PLEKHH3: variants seen among roughly 807,000 people sequenced by gnomAD.
The protein encoded by PLEKHH3 is pleckstrin homology domain-containing family H member 3.
In PLEKHH3, 57 loss-of-function variants were observed where a neutral mutation model predicts 77.8. That is an observed-to-expected ratio of 0.73 (90% confidence interval 0.59 to 0.91). The LOEUF (loss-of-function observed/expected upper bound fraction) is 0.91, where lower values mean the gene tolerates loss of function less well. Ranked by LOEUF, PLEKHH3 falls within the 40% of genes least tolerant of loss-of-function variation. PLEKHH3 has a pLI of 0.00. For synonymous variants in PLEKHH3, 467 were observed against 504.8 expected (o/e 0.93, Z 1.00); for missense variants, 1,082 against 1,091.2 (o/e 0.99, Z 0.12).
At position 42,671,368 on chromosome 17, in the gene PLEKHH3, G is replaced by T; in HGVS notation, c.1267C>A (p.His423Asn). 1.9e-6 allele frequency: 3 copies of T among 1,612,928 alleles called. No homozygotes were observed. The highest frequency in any genetic ancestry group is 2.5e-6 in the Non-Finnish European group (3 of 1,179,916). ...GGCCTCACCTCCCCCGCCGTGGTGTGGGAGTCGATGGCCACAGCACAGGCA... is the reference window on the plus strand; with the variant it reads ...GGCCTCACCTCCCCCGCCGTGGTGTTGGAGTCGATGGCCACAGCACAGGCA... ...AGACAVAIDS[H>N]TTAGEVAREL... The change falls in exon 8 of 13, where the codon CAC becomes AAC. Residue 423 changes from histidine (H) to asparagine (N), a missense_variant. Coordinates refer to ENST00000591022, the MANE Select transcript of PLEKHH3 (RefSeq NM_024927.5). The surrounding 1 kb of genome is among the most constrained non-coding windows in gnomAD (Gnocchi z 4.7).
chr17:42,676,552 G>T lies in PLEKHH3; in HGVS notation c.12C>A (p.Pro4=). The T allele has an allele frequency of 6.4e-7, 1 of 1,562,194 alleles. No individual in the cohort carries two copies. The highest frequency in any genetic ancestry group is 8.7e-7 in the Non-Finnish European group (1 of 1,153,730). Residue 4 remains proline, a synonymous_variant, in exon 1 of 13, where the codon CCC becomes CCA. Transcript: ENST00000591022. This position sits in a 1 kb window ranked among gnomAD's most constrained non-coding sequence, Gnocchi z 6.6. MPL[P]GGLWWLLCCR... ...AGCAGAGAAGCCACCATAGTCCCCC[G>T]GGGAGAGGCATCCGGGCGAGGAGCT...
chr17:42,669,833 C>T, intron 11 of PLEKHH3, 85 bp downstream of exon 11: 2 of 1,566,578 alleles, frequency 1.3e-6, no homozygotes, highest in Non-Finnish European at 1.7e-6. Flanking sequence ...TGGGGAATTA[C>T]GTGACACTCC....
chr17:42,674,998 T>C (rs2052791472), intron 1 of PLEKHH3: 1 of 152,270 alleles, frequency 6.6e-6, no homozygotes, highest in African/African-American at 2.4e-5. Flanking sequence ...GACTCAATGG[T>C]GAGCAGAGAC....
At position 42,676,348 on chromosome 17, in the gene PLEKHH3, C is replaced by A; in HGVS notation, c.162+54G>T. ...TGGAGGCTGGAGCGGATCAGCGTGA[C>A]GGCCGGTTACAGCGAGAGTGATTGA... On this transcript the variant is annotated intron_variant, in intron 1 of 12. Coordinates refer to ENST00000591022, the MANE Select transcript of PLEKHH3 (RefSeq NM_024927.5). This position sits in a 1 kb window ranked among gnomAD's most constrained non-coding sequence, Gnocchi z 6.6. 6.2e-7 allele frequency: 1 copy of A among 1,600,242 alleles called. No homozygotes were observed. The highest frequency in any genetic ancestry group is 8.5e-7 in the Non-Finnish European group (1 of 1,171,650).
chr17:42,674,233 A>G, intron 2 of PLEKHH3, 121 bp downstream of exon 2: 1 of 1,285,738 alleles, frequency 7.8e-7, no homozygotes, highest in Non-Finnish European at 1.1e-6. Flanking sequence ...CCCCAGCCAA[A>G]CCACAGCGTC....
chr17:42,672,450 G>A, intron 6 of PLEKHH3, 58 bp from the exon 7 acceptor site: 2 of 1,411,690 alleles, frequency 1.4e-6, no homozygotes, highest in Admixed American at 2.6e-5. Flanking sequence ...GCTGCGCCCT[G>A]GGAGGAAGGC....
In PLEKHH3 at chr17:42,676,925, C is replaced by CGTGTCCGGTAGGGCGTCCG. The variant is rs2143620535; in HGVS notation, c.-381_-363dup. On this transcript the variant is annotated 5_prime_UTR_variant, in exon 1 of 13. Coordinates refer to ENST00000591022, the MANE Select transcript of PLEKHH3 (RefSeq NM_024927.5). This position sits in a 1 kb window ranked among gnomAD's most constrained non-coding sequence, Gnocchi z 6.6. ...CAGTTGTCCAAGCTCCAGGGAGGGT[C>CGTGTCCGGTAGGGCGTCCG]GTGTCCGGTAGGGCGTCCGGTGGCC... The CGTGTCCGGTAGGGCGTCCG allele has an allele frequency of 9.2e-6, 2 of 216,990 alleles. No homozygotes were observed. The highest frequency in any genetic ancestry group is 1.3e-4 in the South Asian group (2 of 14,988). 13.4% of individuals were successfully genotyped at this position (216,990 alleles called of 1,614,324 possible).
rs200439190 is a variant in PLEKHH3 at position 42,673,822 on chromosome 17, C to T, written c.311G>A (p.Arg104Gln). 90 of 1,592,926 alleles carry T rather than the reference C, an allele frequency of 5.6e-5. No homozygotes were observed. In the Middle Eastern group the frequency reaches 1.8e-3, roughly 32 times the overall value. Residue 104 changes from arginine (R) to glutamine (Q), a missense_variant, in exon 4 of 13, where the codon CGG becomes CAG. Physicochemically the swap from Arg to Gln is conservative, Grantham distance 43. Coordinates refer to ENST00000591022, the MANE Select transcript of PLEKHH3 (RefSeq NM_024927.5). ...PDIVVKGWLY[R>Q]EPRGGGARPW... ...CCGCGCCCCTCCTCCGCGGGGCTCCCGGTACAGCCAACCTGGGGGCCGGAG... is the reference window on the plus strand; with the variant it reads ...CCGCGCCCCTCCTCCGCGGGGCTCCTGGTACAGCCAACCTGGGGGCCGGAG...
chr17:42,672,163 CCAGTACCG>C lies in PLEKHH3; in HGVS notation c.991_998del (p.Arg331AlafsTer140). 6.5e-7 allele frequency: 1 copy of C among 1,548,866 alleles called. No homozygotes were observed. Among genetic ancestry groups the C allele is most frequent in the Non-Finnish European group, 8.7e-7 (1 of 1,145,312 alleles). ...TGCAGCTCATGCAGGTGAGGAGTTG[CCAGTACCG>C]CAGGGCCGCAGGGTCTTGGGTAGCC... is the stretch of plus-strand genomic sequence containing the variant. On this transcript the variant is annotated frameshift_variant, in exon 7 of 13. Transcript: ENST00000591022. LOFTEE classifies it high-confidence loss of function.
chr17:42,669,333 G>T, intron 12 of PLEKHH3, 97 bp downstream of exon 12: 1 of 1,279,600 alleles, frequency 7.8e-7, no homozygotes, highest in Non-Finnish European at 1.0e-6. Flanking sequence ...GATCCCCAGT[G>T]CTTAGAGCTC....
Position 42,671,708 on chromosome 17 carries a change from G to C in PLEKHH3, c.1077-150C>G. On this transcript the variant is annotated intron_variant, in intron 7 of 12. Transcript: ENST00000591022. The surrounding 1 kb of genome is among the most constrained non-coding windows in gnomAD (Gnocchi z 4.7). ...GAAGGCTCTTCTAAATCTCTCCCCA[G>C]TGCTTTGCATAGAGCTGAATTACTT... The C allele has an allele frequency of 1.1e-6, 1 of 893,338 alleles. No homozygotes were observed. Among genetic ancestry groups the C allele is most frequent in the Non-Finnish European group, 1.7e-6 (1 of 598,074 alleles). 55.3% of individuals were successfully genotyped at this position (893,338 alleles called of 1,614,324 possible).
chr17:42,670,610 G>T lies in PLEKHH3; in HGVS notation c.1517C>A (p.Ser506Tyr). The change falls in exon 10 of 13, where the codon TCC (serine) becomes TAC (tyrosine). Residue 506 changes from serine to tyrosine, a missense_variant. Ser to Tyr is a moderately radical substitution (Grantham distance 144). Transcript: ENST00000591022. ...GAAAGGCAGTTCGTGACCGTCTGGG[G>T]ACAGCCCCTCAGGGTGCAGAGGTCC... ...LHGPLHPEGL[S>Y]PDGHELPFLF... 6.2e-7 allele frequency: 1 copy of T among 1,612,498 alleles called. No homozygotes were observed. Among genetic ancestry groups the T allele is most frequent in the Non-Finnish European group, 8.5e-7 (1 of 1,179,396 alleles).
chr17:42,669,747 G>A (rs1188524675), intron 11 of PLEKHH3, 126 bp from the exon 12 acceptor site: 2 of 1,463,394 alleles, frequency 1.4e-6, no homozygotes, highest in Middle Eastern at 1.7e-4. Flanking sequence ...TGTGTGGAGG[G>A]GGCTGAGGCT....
At position 42,670,314 on chromosome 17, in the gene PLEKHH3, CG is replaced by C; in HGVS notation, c.1616del (p.Ala539GlyfsTer131). 7.2e-7 allele frequency: 1 copy of C among 1,392,700 alleles called. No individual in the cohort carries two copies. The highest frequency in any genetic ancestry group is 9.2e-7 in the Non-Finnish European group (1 of 1,081,212). The allele number at this position is 1,392,700 out of a possible 1,614,324, so 86.3% of individuals were successfully genotyped here. ...GCTGCAGGCTCTGCAGGCGCAGCGCCGCCAGGGCGCGCAGCGTGTCGTCGGG... is the reference window on the plus strand; with the variant it reads ...GCTGCAGGCTCTGCAGGCGCAGCGCCCCAGGGCGCGCAGCGTGTCGTCGGG... Reference protein sequence around the residue: ...PPPDDTLRALAALRLQSLQRD... With the variant: ...PPPDDTLRALXALRLQSLQRD... On this transcript the variant is annotated frameshift_variant, in exon 11 of 13. Transcript: ENST00000591022. LOFTEE classifies it high-confidence loss of function.
At position 42,671,987 on chromosome 17, in the gene PLEKHH3, C is replaced by T. The variant is rs1170032748; in HGVS notation, c.1076+99G>A. The T allele has an allele frequency of 9.9e-7, 1 of 1,008,460 alleles. No homozygotes were observed. Among genetic ancestry groups the T allele is most frequent in the East Asian group, 2.7e-5 (1 of 37,642 alleles). 62.5% of individuals were successfully genotyped at this position (1,008,460 alleles called of 1,614,324 possible). A position where few individuals can be genotyped will look rare whatever the true frequency, so the allele number is the denominator to read the frequency against. On this transcript the variant is annotated intron_variant, in intron 7 of 12. Coordinates refer to ENST00000591022, the MANE Select transcript of PLEKHH3 (RefSeq NM_024927.5). The surrounding 1 kb of genome is among the most constrained non-coding windows in gnomAD (Gnocchi z 4.7). The stretch of plus-strand genomic sequence containing the variant: ...CCACAAAGGCACTGTATGTATTACT[C>T]GGTTCTTTACCTACCAAGTCTTTTG...
rs1279439892 is a variant in PLEKHH3, at chr17:42,676,382, T to C, written c.162+20A>G. The C allele has an allele frequency of 6.2e-7, 1 of 1,611,842 alleles. No individual in the cohort carries two copies. Among genetic ancestry groups the C allele is most frequent in the African/African-American group, 1.3e-5 (1 of 74,886 alleles). On this transcript the variant is annotated intron_variant, in intron 1 of 12. Transcript: ENST00000591022. This position sits in a 1 kb window ranked among gnomAD's most constrained non-coding sequence, Gnocchi z 6.6. ...ACAGCGAGAGTGATTGAGACGAGGC[T>C]CCGAACCCCCGGGACTTACCCTCCC...
chr17:42,671,262 G>T lies in PLEKHH3; in HGVS notation c.1284+89C>A. Reference sequence around the variant, plus strand: ...CCTTACCAAAATAATCTAGACTCGGGGCAAACCTAGGGTCCAGGAAGAGGG... The same window carrying T: ...CCTTACCAAAATAATCTAGACTCGGTGCAAACCTAGGGTCCAGGAAGAGGG... On this transcript the variant is annotated intron_variant, in intron 8 of 12. Transcript: ENST00000591022. This position sits in a 1 kb window ranked among gnomAD's most constrained non-coding sequence, Gnocchi z 4.7. 6.5e-7 allele frequency: 1 copy of T among 1,542,882 alleles called. No homozygotes were observed. Among genetic ancestry groups the T allele is most frequent in the Non-Finnish European group, 8.8e-7 (1 of 1,138,356 alleles).
rs1235805910 is a variant in PLEKHH3, at chr17:42,672,265, C to A, written c.897G>T (p.Ala299=). 6.4e-7 allele frequency: 1 copy of A among 1,550,838 alleles called. No individual in the cohort carries two copies. Among genetic ancestry groups the A allele is most frequent in the Non-Finnish European group, 8.7e-7 (1 of 1,147,042 alleles). The part of the protein sequence containing the change: ...GVLQTCRDLP[A]LRDELFLQLA... ...GCTGCAGGAAGAGTTCATCCCGGAG[C>A]GCGGGCAAGTCCCGGCAGGTTTGGA... The change falls in exon 7 of 13, where the codon GCG becomes GCT. Residue 299 remains alanine, a synonymous_variant. Transcript: ENST00000591022.
At chr17:42,670,744 G>A (rs1250395750) in intron 9 of PLEKHH3, 39 bp from the exon 10 acceptor site, 2 of 1,590,160 alleles carry the variant, frequency 1.3e-6, no homozygotes, top group Non-Finnish European at 1.7e-6. Context: ...GGGAGAAGCC[G>A]GACCCCTACG....
Sources: allele counts gnomAD v4.1 joint callset, GRCh38; gene constraint gnomAD v4.1.1; non-coding constraint Gnocchi (gnomAD v3.1); transcripts MANE v1.5; gene names NCBI Gene and HGNC (gene_info 2026-07-23, HGNC 2026-07-21).